Variants in ACTA2 observed in about 807,000 individuals in gnomAD.
The protein encoded by ACTA2 is actin alpha 2, smooth muscle.
A neutral mutation model predicts 39.5 loss-of-function variants in ACTA2; 12 were observed. That is an observed-to-expected ratio of 0.30 (90% confidence interval 0.19 to 0.49). The LOEUF is 0.49. Ranked by LOEUF, ACTA2 falls within the 20% of genes least tolerant of loss-of-function variation. The pLI is 0.99. For missense variants in ACTA2, 236 were observed against 498.8 expected (o/e 0.47, Z 5.02); for synonymous variants, 158 against 180.6 (o/e 0.88, Z 1.00).
At chr10:88,939,372 C>G in intron 7 of ACTA2, 135 bp downstream of exon 7, 1 of 1,169,176 alleles carries the variant, frequency 8.6e-7, no homozygotes, top group South Asian at 1.2e-5. Context: ...GAAAATGTGG[C>G]ACTTTCCCTT....
Position 88,990,884 on chromosome 10 carries a change from G to C in ACTA2, c.-24+55C>G, listed in dbSNP as rs1223868338. On this transcript the variant is annotated intron_variant, in intron 1 of 4. Coordinates refer to the ACTA2 transcript ENST00000415557. This position sits in a 1 kb window ranked among gnomAD's most constrained non-coding sequence, Gnocchi z 4.9. ...GAGGATTGCTCAACAACCATGCTGG[G>C]CATCTGGACCCTCCTACCTCTGGTG... 1.9e-6 allele frequency: 3 copies of C among 1,614,126 alleles called. No individual in the cohort carries two copies. The highest frequency in any genetic ancestry group is 2.5e-6 in the Non-Finnish European group (3 of 1,180,042).
chr10:88,982,793 G>A (rs932123621), intron 1 of ACTA2, among the ~76,000 whole-genome samples: 2 of 152,262 alleles, frequency 1.3e-5, no homozygotes, highest in African/African-American at 2.4e-5. Flanking sequence ...TGTTTATAAT[G>A]AGATTACTGA....
At chr10:88,939,828 A>G in intron 6 of ACTA2, 130 bp from the exon 7 acceptor site, 2 of 932,150 alleles carry the variant, frequency 2.1e-6, no homozygotes, top group East Asian at 2.6e-5. Context: ...ATATTCTGCA[A>G]TCCAAAATCC....
chr10:88,988,416 GT>G (rs748275082), intron 1 of ACTA2, among the ~76,000 whole-genome samples: 2 of 12,482 alleles, frequency 1.6e-4, no homozygotes, highest in Non-Finnish European at 2.5e-4. Context: ...AGATGTAGAA[GT>G]TTTTTTTTTT....
intron 2 of ACTA2, 53 bp downstream of exon 2, chr10:88,948,749 C>T: frequency 6.2e-7 from 1 of 1,611,572 alleles, no homozygotes; most frequent in Non-Finnish European, 8.5e-7. Flanking sequence ...TAAACATGAA[C>T]ACAGAGGAAC....
chr10:88,960,680 T>G (rs536173251), intron 1 of ACTA2, among the ~76,000 whole-genome samples: 3 of 123,230 alleles, frequency 2.4e-5, no homozygotes, highest in African/African-American at 8.3e-5. Flanking sequence ...CATGACCCAT[T>G]GGCATGTACA....
In ACTA2 at chr10:88,948,931, AG is replaced by A; in HGVS notation, c.-2del. 1 of 1,613,710 alleles carries A rather than the reference AG, an allele frequency of 6.2e-7. No homozygotes were observed. On this transcript the variant is annotated 5_prime_UTR_variant, in exon 2 of 9. Transcript: ENST00000224784. ...CAGTGCTGTCCTCTTCTTCACACAT[AG>A]CTGGAGCTGCTTCACAGGATTCTAT...
At chr10:88,972,409 TCTC>T (rs780990001) in intron 1 of ACTA2, among the ~76,000 whole-genome samples, 1 of 152,174 alleles carries the variant, frequency 6.6e-6, no homozygotes, top group Non-Finnish European at 1.5e-5. Flanking sequence ...AAAAAATTGA[TCTC>T]CTTTTATTTT....
chr10:88,948,667 C>T (rs1002683371), intron 2 of ACTA2, 135 bp downstream of exon 2: 18 of 1,236,680 alleles, frequency 1.5e-5, no homozygotes, highest in Non-Finnish European at 1.9e-5. Flanking sequence ...ACTCCTGGAC[C>T]TTAATCATTA....
At chr10:88,957,678 C>A (rs1846159449), upstream of ACTA2, among the ~76,000 whole-genome samples, 1 of 152,192 alleles carries the variant, frequency 6.6e-6, no homozygotes, top group Admixed American at 6.5e-5. Flanking sequence ...TCCTCTAACT[C>A]CTTTCCTAAT....
chr10:88,954,375 A>G (rs1846099700), upstream of ACTA2, among the ~76,000 whole-genome samples: 2 of 152,298 alleles, frequency 1.3e-5, no homozygotes, highest in African/African-American at 4.8e-5. Flanking sequence ...AAACACGGCC[A>G]TTAGAATGTT....
At chr10:88,949,835 T>C (rs535409012) in intron 1 of ACTA2, among the ~76,000 whole-genome samples, 155 of 152,330 alleles carry the variant, frequency 1.0e-3, no homozygotes, top group Non-Finnish European at 2.0e-3. Context: ...ACTGAGGTTA[T>C]TATGAAGTGG....
intron 1 of ACTA2, among the ~76,000 whole-genome samples, chr10:88,988,479 T>C (rs1846987062): frequency 6.6e-6 from 1 of 151,680 alleles, no homozygotes; most frequent in Non-Finnish European, 1.5e-5. Flanking sequence ...ATAGTCAAGA[T>C]TCTTGTTTAA....
upstream of ACTA2, among the ~76,000 whole-genome samples, chr10:88,956,908 G>A (rs913055565): frequency 6.6e-6 from 1 of 152,204 alleles, no homozygotes; most frequent in Non-Finnish European, 1.5e-5. Flanking sequence ...CCATCCCATG[G>A]TGGAAGAAAA....
intron 8 of ACTA2, 133 bp downstream of exon 8, chr10:88,937,928 T>A: frequency 1.1e-6 from 1 of 948,874 alleles, no homozygotes; most frequent in Non-Finnish European, 1.6e-6. Context: ...AAATATGAGA[T>A]TTGTGTCCAT....
chr10:88,984,982 A>G (rs566758735), intron 1 of ACTA2, among the ~76,000 whole-genome samples: 2 of 152,342 alleles, frequency 1.3e-5, no homozygotes, highest in East Asian at 3.9e-4. Flanking sequence ...AGTATAGGTA[A>G]ATAAAATGAC....
chr10:88,976,925 G>C (rs1247041917), intron 1 of ACTA2, among the ~76,000 whole-genome samples: 1 of 152,188 alleles, frequency 6.6e-6, no homozygotes, highest in African/African-American at 2.4e-5. Context: ...TTGTGCTTGA[G>C]ATCCTTATAT....
chr10:88,966,809 A>T (rs1271069583), intron 1 of ACTA2, among the ~76,000 whole-genome samples: 3 of 152,324 alleles, frequency 2.0e-5, no homozygotes, highest in African/African-American at 7.2e-5. Flanking sequence ...AGTGCCAATC[A>T]GATTATCAGT....
chr10:88,938,445 G>A (rs1047939252), intron 7 of ACTA2: 17 of 606,468 alleles, frequency 2.8e-5, no homozygotes, highest in Admixed American at 5.3e-5. Flanking sequence ...AGGAAGGCCT[G>A]CTGCAGCATC....
Sources: gnomAD v4.1 joint callset for allele counts (sites outside exome capture counted in the v4.1 genomes callset) on GRCh38, gnomAD v4.1.1 for gene constraint, Gnocchi (gnomAD v3.1) non-coding constraint, MANE v1.5 for transcripts, NCBI Gene and HGNC (gene_info 2026-07-23, HGNC 2026-07-21) for gene names.